ESRRB: variants seen among roughly 807,000 people sequenced by gnomAD.
ESRRB encodes the protein steroid hormone receptor ERR2.
Under a neutral mutation model 46.0 loss-of-function variants are expected in ESRRB, and 16 were observed. The observed-to-expected ratio is 0.35, with a 90% CI of 0.24 to 0.53. The LOEUF (loss-of-function observed/expected upper bound fraction) is 0.53, where lower values mean the gene tolerates loss of function less well. Among genes scored for constraint, ESRRB ranks in the 20% least tolerant of loss-of-function variants. The pLI, the probability that ESRRB is intolerant of heterozygous loss-of-function variation, is 0.93. For missense variants in ESRRB, 488 were observed against 607.4 expected, an observed-to-expected ratio of 0.80 and a Z score of 2.07; for synonymous variants, 246 against 259.6, an observed-to-expected ratio of 0.95 and a Z score of 0.50.
intron 5 of ESRRB, among the ~76,000 whole-genome samples, chr14:76,486,391 A>G (rs78860973): frequency 0.15 from 22,096 of 152,074 alleles, 1,623 homozygotes; most frequent in Middle Eastern, 0.18. Flanking sequence ...GGTAGCCCCC[A>G]TCTGACTCAA....
At chr14:76,377,229 A>T (rs188655240) in intron 1 of ESRRB, among the ~76,000 whole-genome samples, 52 of 152,284 alleles carry the variant, frequency 3.4e-4, no homozygotes, top group African/African-American at 1.1e-3. Context: ...ACTCTCAGAA[A>T]CCGCGGGTCT....
chr14:76,424,735 TTTTG>T (rs60502690), intron 1 of ESRRB, among the ~76,000 whole-genome samples: 4 of 151,868 alleles, frequency 2.6e-5, no homozygotes, highest in African/African-American at 7.3e-5. Context: ...TAATGCTCTT[TTTTG>T]TTTGTTTGTT....
chr14:76,418,999 G>A (rs1325281408), intron 1 of ESRRB, among the ~76,000 whole-genome samples: 1 of 151,550 alleles, frequency 6.6e-6, no homozygotes, highest in African/African-American at 2.4e-5. Flanking sequence ...CTGGAATCAT[G>A]ATGTTGAGAG....
chr14:76,498,078 G>C, intron 6 of ESRRB, 136 bp from the exon 7 acceptor site: 1 of 1,041,264 alleles, frequency 9.6e-7, no homozygotes. Context: ...CTGGGCCTCA[G>C]ATTGGCTCTC....
intron 1 of ESRRB, among the ~76,000 whole-genome samples, chr14:76,329,739 C>T (rs981105729): frequency 6.6e-5 from 10 of 152,138 alleles, no homozygotes; most frequent in African/African-American, 2.4e-4. Flanking sequence ...CTCAGTCCGT[C>T]CTGCCGTTGT....
chr14:76,328,824 C>T (rs1377591320), intron 1 of ESRRB, among the ~76,000 whole-genome samples: 1 of 152,140 alleles, frequency 6.6e-6, no homozygotes, highest in Non-Finnish European at 1.5e-5. Flanking sequence ...CCCCTGAGTC[C>T]CAGTTATGCA....
In ESRRB at chr14:76,360,409, G is replaced by GAGAGAGAGAC. The variant is rs550780284; in HGVS notation, c.2+49509_2+49518dup. Among the ~76,000 whole-genome samples the GAGAGAGAGAC allele has an allele frequency of 1.3e-4, 19 of 151,736 alleles. No individual in the cohort carries two copies. The East Asian group carries it at 3.2e-3, about 25-fold the overall frequency. ...TGAACTGGAAGGAGAGGGAGAGGGA[G>GAGAGAGAGAC]AGAGAGAGACAGAGAGAGACAGAGA... On this transcript the variant is annotated intron_variant, in intron 1 of 6. Transcript: ENST00000512784.
chr14:76,327,879 AT>A (rs986548715), intron 1 of ESRRB, among the ~76,000 whole-genome samples: 128 of 145,272 alleles, frequency 8.8e-4, no homozygotes, highest in Admixed American at 1.1e-3. Context: ...AATTTTCGTA[AT>A]TTTTTTTTTT....
chr14:76,474,816 C>CAAACAAAACAAAACAAAACA (rs138037395), intron 3 of ESRRB, among the ~76,000 whole-genome samples: 4 of 149,328 alleles, frequency 2.7e-5, no homozygotes, highest in African/African-American at 7.4e-5. Context: ...GACCCTGTCT[C>CAAACAAAACAAAACAAAACA]AAACAAAACA....
Position 76,414,101 on chromosome 14 carries a change from C to G in ESRRB, c.51-25240C>G, listed in dbSNP as rs182279208. 2.0e-3 allele frequency among the ~76,000 whole-genome samples: 33 copies of G among 16,724 alleles called. 6 individuals are homozygous for G. Among genetic ancestry groups the G allele is most frequent in the East Asian group, 0.017 (11 of 642 alleles). 11.0% of individuals were successfully genotyped at this position (16,724 alleles called of 152,430 possible). A position where few individuals can be genotyped will look rare whatever the true frequency, so the allele number is the denominator to read the frequency against. On this transcript the variant is annotated intron_variant, in intron 1 of 6. Coordinates refer to ENST00000644823, the MANE Select transcript of ESRRB (RefSeq NM_001379180.1). ...GCCGCCCCTGCACCATCCCTCGCCC[C>G]TGCACCGTCCCCGCCCCTGCACCGT...
At chr14:76,433,223 T>C (rs955231373) in intron 1 of ESRRB, among the ~76,000 whole-genome samples, 1 of 152,158 alleles carries the variant, frequency 6.6e-6, no homozygotes, top group African/African-American at 2.4e-5. Flanking sequence ...CTGCCTCCGA[T>C]GAAGATTGAA....
chr14:76,422,206 C>CTTTTTTTTTTT (rs552738537), intron 1 of ESRRB, among the ~76,000 whole-genome samples: 1 of 94,772 alleles, frequency 1.1e-5, no homozygotes, highest in Non-Finnish European at 1.9e-5. Flanking sequence ...ACATTTCCTT[C>CTTTTTTTTTTT]TTTTTTTTTT....
chr14:76,433,624 G>A (rs1360415073), intron 1 of ESRRB, among the ~76,000 whole-genome samples: 1 of 152,168 alleles, frequency 6.6e-6, no homozygotes, highest in Non-Finnish European at 1.5e-5. Context: ...AGGCACCCCT[G>A]CTCCGCCCAG....
At chr14:76,375,123 G>C (rs373453034), upstream of ESRRB, among the ~76,000 whole-genome samples, 20 of 151,900 alleles carry the variant, frequency 1.3e-4, no homozygotes, top group South Asian at 3.7e-3. Context: ...TCTCCTGAGG[G>C]CTTTTCCCCC....
chr14:76,332,960 TA>T (rs1884055920), intron 1 of ESRRB, among the ~76,000 whole-genome samples: 6 of 17,926 alleles, frequency 3.3e-4, no homozygotes, highest in Admixed American at 1.1e-3. Context: ...ATATTTACAT[TA>T]TATATATTAT....
chr14:76,491,904 G>A (rs1890248298), intron 6 of ESRRB, among the ~76,000 whole-genome samples, 188 bp downstream of exon 6: 1 of 152,256 alleles, frequency 6.6e-6, no homozygotes, highest in Non-Finnish European at 1.5e-5. Flanking sequence ...GATGAAGGCT[G>A]ACACTGGCTG....
intron 2 of ESRRB, among the ~76,000 whole-genome samples, chr14:76,452,620 C>CAA (rs766430065): frequency 5.3e-4 from 21 of 39,302 alleles, no homozygotes; most frequent in African/African-American, 1.3e-3. Context: ...ACTCTGTCTC[C>CAA]AAAAAAAAAA....
chr14:76,320,994 T>C (rs559221551), intron 1 of ESRRB, among the ~76,000 whole-genome samples: 1 of 152,326 alleles, frequency 6.6e-6, no homozygotes, highest in Admixed American at 6.5e-5. Context: ...GAGCACAAAG[T>C]ATCCCTCATC....
intron 2 of ESRRB, among the ~76,000 whole-genome samples, chr14:76,461,560 G>C (rs933670456): frequency 6.6e-6 from 1 of 151,574 alleles, no homozygotes; most frequent in Non-Finnish European, 1.5e-5. Flanking sequence ...CCATGCTGGA[G>C]TGAAGTGGCG....
Sources: allele counts gnomAD v4.1 joint callset (sites outside exome capture counted in the v4.1 genomes callset), GRCh38; gene constraint gnomAD v4.1.1; transcripts MANE v1.5; gene names NCBI Gene and HGNC (gene_info 2026-07-23, HGNC 2026-07-21).